PXK: variants seen among roughly 807,000 people sequenced by gnomAD.
PXK encodes PX domain containing serine/threonine kinase like.
In PXK, 35 loss-of-function variants were observed where a neutral mutation model predicts 84.7. That is an observed-to-expected ratio of 0.41 (90% CI 0.32 to 0.55). PXK has a LOEUF of 0.55. Among genes scored for constraint, PXK ranks in the 20% least tolerant of loss-of-function variants. The pLI is 0.21. For synonymous variants in PXK, 253 were observed against 260.8 expected (o/e 0.97, Z 0.29); for missense variants, 634 against 699.7 (o/e 0.91, Z 1.06).
At position 58,379,562 on chromosome 3, in the gene PXK, A is replaced by G. The variant is rs965271237; in HGVS notation, c.202-2952A>G. The G allele has an allele frequency of 2.6e-5, 4 of 154,026 alleles. No individual in the cohort carries two copies. Among genetic ancestry groups the G allele is most frequent in the African/African-American group, 7.2e-5 (3 of 41,452 alleles). The allele number at this position is 154,026 out of a possible 1,614,324, so 9.5% of individuals were successfully genotyped here. On this transcript the variant is annotated intron_variant, in intron 3 of 17. Coordinates refer to ENST00000356151, the MANE Select transcript of PXK (RefSeq NM_017771.5). This position sits in a 1 kb window ranked among gnomAD's most constrained non-coding sequence, Gnocchi z 5.1. ...TTTAACTTGAAAGTGACCAAAACAA[A>G]TAGGAAAAAAAGGAACCATCAGGAA...
intron 2 of PXK, among the ~76,000 whole-genome samples, chr3:58,366,478 T>C (rs574319065): frequency 1.3e-5 from 2 of 152,250 alleles, no homozygotes; most frequent in African/African-American, 4.8e-5. Context: ...CCCATCTGAG[T>C]TGACTTACAG....
intron 17 of PXK, among the ~76,000 whole-genome samples, chr3:58,418,394 C>T (rs1374548180): frequency 1.3e-5 from 2 of 152,162 alleles, no homozygotes; most frequent in Admixed American, 1.3e-4. Context: ...TAGGGCGGTG[C>T]TAGAGCCAGG....
chr3:58,369,400 G>A (rs761014854), intron 2 of PXK, 31 bp from the exon 3 acceptor site: 2 of 1,565,798 alleles, frequency 1.3e-6, no homozygotes, highest in Non-Finnish European at 1.8e-6. Context: ...AGTCTTTGCT[G>A]AATCAAAACA....
intron 1 of PXK, among the ~76,000 whole-genome samples, chr3:58,356,689 C>T (rs573411233): frequency 9.2e-5 from 14 of 151,828 alleles, no homozygotes; most frequent in Non-Finnish European, 1.3e-4. Flanking sequence ...CCACAACCTC[C>T]GCCTCCTGGG....
At chr3:58,373,828 G>A (rs2098410733) in intron 3 of PXK, among the ~76,000 whole-genome samples, 1 of 151,876 alleles carries the variant, frequency 6.6e-6, no homozygotes, top group Non-Finnish European at 1.5e-5. Flanking sequence ...GGTGGATCAC[G>A]AGGTCAGGAG....
intron 1 of PXK, among the ~76,000 whole-genome samples, chr3:58,362,324 C>G (rs192756092): frequency 1.3e-5 from 2 of 152,138 alleles, no homozygotes; most frequent in African/African-American, 4.8e-5. Context: ...AAAAGTCTTA[C>G]AGTTTTACAT....
chr3:58,376,518 T>C (rs929186824), intron 3 of PXK, among the ~76,000 whole-genome samples: 1 of 152,206 alleles, frequency 6.6e-6, no homozygotes, highest in Non-Finnish European at 1.5e-5. Flanking sequence ...ATAGACAACA[T>C]TAAGTGATAA....
chr3:58,378,481 T>C (rs2108692734), intron 3 of PXK, among the ~76,000 whole-genome samples: 1 of 131,964 alleles, frequency 7.6e-6, no homozygotes, highest in Middle Eastern at 3.8e-3. Flanking sequence ...GATTTGGACT[T>C]CATTTTTCTT....
chr3:58,374,479 T>C (rs2108612369), intron 3 of PXK, among the ~76,000 whole-genome samples: 1 of 152,276 alleles, frequency 6.6e-6, no homozygotes, highest in African/African-American at 2.4e-5. Flanking sequence ...TGGCCTCCCC[T>C]TTCCATTTTC....
Position 58,381,349 on chromosome 3 carries a change from A to G in PXK, c.202-1165A>G, listed in dbSNP as rs543736026. Among the ~76,000 whole-genome samples the G allele has an allele frequency of 7.2e-5, 11 of 152,124 alleles. No homozygotes were observed. In the South Asian group the frequency reaches 2.3e-3, roughly 32 times the overall value. On this transcript the variant is annotated intron_variant, in intron 3 of 17. Coordinates refer to ENST00000356151, the MANE Select transcript of PXK (RefSeq NM_017771.5). Reference sequence around the variant, plus strand: ...TAGGGGATACAAAATGGGGTTTAGTATGACAAAAGCAAAAACATCTCTAGG... The same window carrying G: ...TAGGGGATACAAAATGGGGTTTAGTGTGACAAAAGCAAAAACATCTCTAGG...
Position 58,424,819 on chromosome 3 carries a change from C to A in PXK, c.1596C>A (p.Ser532Arg), listed in dbSNP as rs778339656. The A allele has an allele frequency of 1.2e-6, 2 of 1,614,198 alleles. No homozygotes were observed. Among genetic ancestry groups the A allele is most frequent in the Non-Finnish European group, 1.7e-6 (2 of 1,180,038 alleles). ...PPPAAPLPPA[S>R]TEAPAQLSSQ... ...CAGCAGCTCCCTTGCCTCCTGCGAG[C>A]ACCGAGGCACCTGCCCAGCTCTCGT... The change falls in exon 18 of 18, where the codon AGC becomes AGA. Residue 532 changes from serine (S) to arginine (R), a missense_variant. Transcript: ENST00000356151.
chr3:58,391,669 T>G (rs541232058), intron 6 of PXK, 104 bp from the exon 7 acceptor site: 1 of 1,070,178 alleles, frequency 9.3e-7, no homozygotes, highest in Non-Finnish European at 1.4e-6. Flanking sequence ...GTTTTCGTCT[T>G]TGGTTTCCAG....
chr3:58,346,526 T>C (rs1241291396), intron 1 of PXK, among the ~76,000 whole-genome samples: 1 of 151,990 alleles, frequency 6.6e-6, no homozygotes, highest in African/African-American at 2.4e-5. Flanking sequence ...AGATGATGAG[T>C]CTGTTTGGTT....
rs1576643142 is a variant in PXK at position 58,405,453 on chromosome 3, T to C, written c.1230+1543T>C. On this transcript the variant is annotated intron_variant, in intron 13 of 17. Transcript: ENST00000356151. ...CAACACTTTGGGAGGCTGAGACAGG[T>C]GGATCATTTGAGGTCAGGAGTTCCA... is the stretch of plus-strand genomic sequence containing the variant. Among the ~76,000 whole-genome samples the C allele has an allele frequency of 2.6e-5, 4 of 151,982 alleles. No homozygotes were observed. In the South Asian group the frequency reaches 8.3e-4, roughly 32 times the overall value.
Position 58,421,631 on chromosome 3 carries a change from T to C in PXK, c.1529-3121T>C. 1 of 988,212 alleles carries C rather than the reference T, an allele frequency of 1.0e-6. No homozygotes were observed. Among genetic ancestry groups the C allele is most frequent in the Non-Finnish European group, 1.2e-6 (1 of 830,318 alleles). The allele number at this position is 988,212 out of a possible 1,614,324, so 61.2% of individuals were successfully genotyped here. On this transcript the variant is annotated intron_variant, in intron 17 of 17. Coordinates refer to ENST00000356151, the MANE Select transcript of PXK (RefSeq NM_017771.5). The surrounding 1 kb of genome is among the most constrained non-coding windows in gnomAD (Gnocchi z 5.5). ...CCCTCAGACATCCTGTCCACAAGGC[T>C]GTCAAGGGGGTTTCTGGCCTGGCAT...
At position 58,333,488 on chromosome 3, in the gene PXK, C is replaced by T; in HGVS notation, c.102+398C>T. On this transcript the variant is annotated intron_variant, in intron 1 of 17. Coordinates refer to ENST00000356151, the MANE Select transcript of PXK (RefSeq NM_017771.5). This position sits in a 1 kb window ranked among gnomAD's most constrained non-coding sequence, Gnocchi z 5.4. ...CCGCCAGCCTTTTCCTTTTTGAGGC[C>T]GTGTAATTTCCTCCTTGCAGCTGAG... is the stretch of plus-strand genomic sequence containing the variant. The T allele has an allele frequency of 2.2e-6, 1 of 455,292 alleles. No homozygotes were observed. The highest frequency in any genetic ancestry group is 4.4e-6 in the Non-Finnish European group (1 of 225,982). The allele number at this position is 455,292 out of a possible 1,614,324, so 28.2% of individuals were successfully genotyped here.
chr3:58,423,504 T>A, intron 17 of PXK: 1 of 1,535,354 alleles, frequency 6.5e-7, no homozygotes. Context: ...GGTAAGTGAT[T>A]TTCTATTGTA....
At chr3:58,382,756 G>T in intron 4 of PXK, 56 bp downstream of exon 4, 1 of 1,286,204 alleles carries the variant, frequency 7.8e-7, no homozygotes, top group Non-Finnish European at 1.0e-6. Context: ...ACTGTCCCTT[G>T]CTGGAGATAA....
Position 58,412,823 on chromosome 3 carries a change from G to T in PXK, c.1466-78G>T. 1 of 1,395,398 alleles carries T rather than the reference G, an allele frequency of 7.2e-7. No homozygotes were observed. Among genetic ancestry groups the T allele is most frequent in the Non-Finnish European group, 1.0e-6 (1 of 981,164 alleles). 86.4% of individuals were successfully genotyped at this position (1,395,398 alleles called of 1,614,324 possible). On this transcript the variant is annotated intron_variant, in intron 16 of 17. Coordinates refer to ENST00000356151, the MANE Select transcript of PXK (RefSeq NM_017771.5). This position sits in a 1 kb window ranked among gnomAD's most constrained non-coding sequence, Gnocchi z 6.2. ...TAAGCCAAATGTAGATTCTCAGACA[G>T]CAGTGGGTCCCAGCCTGGGCCAAAT...
Sources: gnomAD v4.1 joint callset for allele counts (sites outside exome capture counted in the v4.1 genomes callset) on GRCh38, gnomAD v4.1.1 for gene constraint, Gnocchi (gnomAD v3.1) non-coding constraint, MANE v1.5 for transcripts, NCBI Gene and HGNC (gene_info 2026-07-23, HGNC 2026-07-21) for gene names.